The following PRKDC variants were observed in gnomAD, a reference collection of about 807,000 sequenced individuals.
PRKDC encodes DNA-dependent protein kinase catalytic subunit.
A neutral mutation model predicts 486.9 loss-of-function variants in PRKDC; 82 were observed. That is an observed-to-expected ratio of 0.17 (90% CI 0.14 to 0.20). PRKDC has a LOEUF of 0.20. Among genes scored for constraint, PRKDC ranks in the 10% least tolerant of loss-of-function variants. PRKDC has a pLI of 1.00. For synonymous variants in PRKDC, 1,895 were observed against 1,837.0 expected (o/e 1.03, Z -0.81); for missense variants, 4,504 against 5,038.2 (o/e 0.89, Z 3.21).
rs566299711 is a variant in PRKDC at position 47,917,859 on chromosome 8, A to T, written c.2526+418T>A. 1.7e-4 allele frequency among the ~76,000 whole-genome samples: 26 copies of T among 152,130 alleles called. 1 individual carries two copies. The South Asian group carries it at 5.4e-3, about 32-fold the overall frequency. ...TATTTTCATAGCTAAAAATATATTA[A>T]TTTTTTTTGTCAGGCCACTCCCATT... On this transcript the variant is annotated intron_variant, in intron 22 of 85. Coordinates refer to ENST00000314191, the MANE Select transcript of PRKDC (RefSeq NM_006904.7).
chr8:47,861,750 T>A (rs8178128), intron 44 of PRKDC, among the ~76,000 whole-genome samples: 3,979 of 152,342 alleles, frequency 0.026, 154 homozygotes, highest in African/African-American at 0.082. Flanking sequence ...GCAAGGCCAC[T>A]GTAAGGATCT....
chr8:47,832,455 C>CT (rs1300446322), intron 59 of PRKDC, among the ~76,000 whole-genome samples: 3 of 152,124 alleles, frequency 2.0e-5, no homozygotes, highest in Non-Finnish European at 4.4e-5. Context: ...GAAAGAGCAA[C>CT]TGTTAAAAGC....
chr8:47,840,594 T>A (rs1401672404), intron 54 of PRKDC, among the ~76,000 whole-genome samples: 2 of 152,240 alleles, frequency 1.3e-5, no homozygotes, highest in African/African-American at 4.8e-5. Context: ...CAAAATTACT[T>A]CAATATAAAA....
At chr8:47,784,257 CAAAAA>C in intron 77 of PRKDC, 1 of 101,794 alleles carries the variant, frequency 9.8e-6, no homozygotes, top group South Asian at 2.9e-4. Context: ...GACTCCATCG[CAAAAA>C]AAAAAAAAAA....
intron 26 of PRKDC, among the ~76,000 whole-genome samples, chr8:47,903,538 G>C (rs1246502022): frequency 2.0e-5 from 3 of 152,150 alleles, no homozygotes; most frequent in Non-Finnish European, 4.4e-5. Context: ...TGGGAGGAGA[G>C]GGTGCTTCCT....
intron 25 of PRKDC, among the ~76,000 whole-genome samples, chr8:47,910,834 ATTTT>A (rs3842702): frequency 6.7e-6 from 1 of 149,208 alleles, no homozygotes; most frequent in Non-Finnish European, 1.5e-5. Flanking sequence ...ATTCCTAGAC[ATTTT>A]TTTTTTGATG....
intron 50 of PRKDC, 33 bp downstream of exon 50, chr8:47,855,181 CCTAAATTT>C: frequency 6.7e-7 from 1 of 1,501,014 alleles, no homozygotes; most frequent in South Asian, 1.3e-5. Context: ...TACATTTTAA[CCTAAATTT>C]CTAAACAATA....
Position 47,881,430 on chromosome 8 carries a change from C to A in PRKDC, c.5053G>T (p.Asp1685Tyr). ...YISLLADTKL[D>Y]LHLKGQAVTL... The stretch of plus-strand genomic sequence containing the variant: ...TCACTGTTTACCTTTAAATGTAGAT[C>A]CAGCTTTGTGTCAGCAAGTAGACTA... The change falls in exon 38 of 86, where the codon GAT (aspartate) becomes TAT (tyrosine). Residue 1685 changes from aspartate (D) to tyrosine (Y), a missense_variant. Asp to Tyr is a radical substitution (Grantham distance 160, BLOSUM62 -3). Around this residue, in one of 6 missense-constraint regions of PRKDC, gnomAD observed 1,969 missense variants for 2,068.9 expected, o/e 0.95. Transcript: ENST00000314191. 6.5e-7 allele frequency: 1 copy of A among 1,541,622 alleles called. No homozygotes were observed. Among genetic ancestry groups the A allele is most frequent in the South Asian group, 1.1e-5 (1 of 87,274 alleles).
At chr8:47,959,506 A>G (rs562177990) in intron 1 of PRKDC, among the ~76,000 whole-genome samples, 64 of 151,854 alleles carry the variant, frequency 4.2e-4, no homozygotes, top group Non-Finnish European at 7.7e-4. Flanking sequence ...GTGAAACCCC[A>G]TCTCTACTAA....
intron 76 of PRKDC, among the ~76,000 whole-genome samples, chr8:47,786,630 G>C (rs917629956): frequency 1.3e-5 from 2 of 151,148 alleles, no homozygotes; most frequent in Non-Finnish European, 2.9e-5. Flanking sequence ...TCTGATACCA[G>C]CTGAAGAGAA....
Position 47,778,739 on chromosome 8 carries a change from A to AG in PRKDC, c.11639dup (p.Asp3881Ter). The AG allele has an allele frequency of 6.2e-7, 1 of 1,613,872 alleles. No homozygotes were observed. The highest frequency in any genetic ancestry group is 8.5e-7 in the Non-Finnish European group (1 of 1,179,812). On this transcript the variant is annotated frameshift_variant, in exon 82 of 86. Coordinates refer to ENST00000314191, the MANE Select transcript of PRKDC (RefSeq NM_006904.7). LOFTEE classifies it high-confidence loss of function. ...AGAAGGGTACTTACTTTAAGAGATC[A>AG]GCAGGCACTTTACTTTCTCGTTTTC...
At chr8:47,937,084 T>C (rs1263836190) in intron 11 of PRKDC, among the ~76,000 whole-genome samples, 1 of 142,094 alleles carries the variant, frequency 7.0e-6, no homozygotes, top group Non-Finnish European at 1.5e-5. Context: ...TGAAACCCCG[T>C]CTCTACTTAA....
chr8:47,944,095 C>A, intron 7 of PRKDC, 66 bp from the exon 8 acceptor site: 5 of 1,255,352 alleles, frequency 4.0e-6, no homozygotes, highest in Non-Finnish European at 5.7e-6. Context: ...ACTTTACAGA[C>A]AGCTTGACAC....
At chr8:47,899,750 C>G (rs549380852) in intron 28 of PRKDC, among the ~76,000 whole-genome samples, 3 of 152,280 alleles carry the variant, frequency 2.0e-5, no homozygotes, top group South Asian at 4.1e-4. Context: ...GCCTCTGTGC[C>G]CCAACTACAT....
chr8:47,895,326 T>C (rs569155782), intron 30 of PRKDC, among the ~76,000 whole-genome samples: 1 of 152,338 alleles, frequency 6.6e-6, no homozygotes, highest in African/African-American at 2.4e-5. Flanking sequence ...CTTAATGTTA[T>C]ACAAATTACC....
intron 40 of PRKDC, among the ~76,000 whole-genome samples, chr8:47,865,742 T>C (rs1044496324): frequency 3.3e-5 from 5 of 152,024 alleles, no homozygotes; most frequent in African/African-American, 1.2e-4. Context: ...CAAAGTTTAT[T>C]TGGGTACTAT....
chr8:47,960,089 A>T lies in PRKDC; in HGVS notation c.38T>A (p.Leu13Gln), dbSNP rs1057272122. 2 of 1,529,120 alleles carry T rather than the reference A, an allele frequency of 1.3e-6. No individual in the cohort carries two copies. Among genetic ancestry groups the T allele is most frequent in the African/African-American group, 1.4e-5 (1 of 72,314 alleles). The allele number at this position is 1,529,120 out of a possible 1,614,324, so 94.7% of individuals were successfully genotyped here. The stretch of plus-strand genomic sequence containing the variant: ...AGCGGACAAGGTCTCCTGCAGCCGC[A>T]GCAGGGAGCAACGCACACCGGCTCC... ...GSGAGVRCSLLRLQETLSAAD... is the reference protein window; with the variant it reads ...GSGAGVRCSLQRLQETLSAAD... The change falls in exon 1 of 86, where the codon CTG (leucine) becomes CAG (glutamine). Residue 13 changes from leucine to glutamine, a missense_variant. By Grantham distance (113) the Leu-to-Gln change is moderately radical (BLOSUM62 -2). Around this residue, in one of 6 missense-constraint regions of PRKDC, gnomAD observed 145 missense variants for 136.3 expected, o/e 1.06. Transcript: ENST00000314191.
intron 1 of PRKDC, among the ~76,000 whole-genome samples, chr8:47,959,719 C>A (rs2090779443): frequency 6.6e-6 from 1 of 152,106 alleles, no homozygotes; most frequent in Non-Finnish European, 1.5e-5. Flanking sequence ...GCCCCCCACT[C>A]TGCATAGCAA....
At chr8:47,838,817 G>C (rs181279816) in intron 56 of PRKDC, among the ~76,000 whole-genome samples, 1 of 152,272 alleles carries the variant, frequency 6.6e-6, no homozygotes, top group African/African-American at 2.4e-5. Context: ...CTTACAGCAT[G>C]ATCTCAACTA....
Sources: allele counts gnomAD v4.1 joint callset (sites outside exome capture counted in the v4.1 genomes callset), GRCh38; gene constraint gnomAD v4.1.1; regional missense constraint gnomAD v4.1.1; transcripts MANE v1.5; gene names NCBI Gene and HGNC (gene_info 2026-07-23, HGNC 2026-07-21).